PAM: variants seen among roughly 807,000 people sequenced by gnomAD.
PAM encodes peptidyl-glycine alpha-amidating monooxygenase.
A neutral mutation model predicts 122.1 loss-of-function variants in PAM; 72 were observed. That is an observed-to-expected ratio of 0.59 (90% confidence interval 0.49 to 0.72). The LOEUF (loss-of-function observed/expected upper bound fraction) is 0.72, where lower values mean the gene tolerates loss of function less well. Ranked by LOEUF, PAM falls within the 30% of genes least tolerant of loss-of-function variation. The pLI is 0.00. For synonymous variants in PAM, 389 were observed against 404.4 expected (o/e 0.96, Z 0.46); for missense variants, 1,106 against 1,183.7 (o/e 0.93, Z 0.96).
intron 1 of PAM, among the ~76,000 whole-genome samples, chr5:102,856,836 A>G (rs1782764169): frequency 1.3e-5 from 2 of 152,298 alleles, no homozygotes; most frequent in South Asian, 4.1e-4. Flanking sequence ...TGCAAGGGAA[A>G]GATACTTCAA....
At chr5:103,028,751 TTTTC>T in intron 25 of PAM, 132 bp from the exon 26 acceptor site, 1 of 614,278 alleles carries the variant, frequency 1.6e-6, no homozygotes, top group Non-Finnish European at 2.8e-6. Flanking sequence ...CTCTGTCTGT[TTTTC>T]TATTTTATTT....
At chr5:103,006,717 C>A in intron 18 of PAM, 84 bp from the exon 19 acceptor site, 1 of 856,140 alleles carries the variant, frequency 1.2e-6, no homozygotes, top group Non-Finnish European at 1.9e-6. Flanking sequence ...ACTCCAATTG[C>A]TTGTGAAAGT....
Position 103,009,861 on chromosome 5 carries a change from C to A in PAM, c.2326C>A (p.Arg776Ser). The part of the protein sequence containing the change: ...GEIIDIFKPV[R>S]KHFDMPHDIV... ...AATTATAGACATCTTCAAGCCAGTG[C>A]GCAAGGTATTTACACACATTGTCTA... is the stretch of plus-strand genomic sequence containing the variant. The change falls in exon 21 of 26, where the codon CGC (arginine) becomes AGC (serine). Residue 776 changes from arginine to serine, a missense_variant. This residue lies in a region of PAM where 333 missense variants were observed against 335.6 expected (regional missense o/e 0.99). Coordinates refer to ENST00000438793, the MANE Select transcript of PAM (RefSeq NM_001177306.2). The A allele has an allele frequency of 6.4e-7, 1 of 1,551,488 alleles. No individual in the cohort carries two copies. The highest frequency in any genetic ancestry group is 8.9e-7 in the Non-Finnish European group (1 of 1,126,434).
At chr5:103,007,053 C>T in intron 19 of PAM, 42 bp downstream of exon 19, 2 of 1,397,278 alleles carry the variant, frequency 1.4e-6, no homozygotes, top group Non-Finnish European at 1.0e-6. Context: ...AATTCTTAGC[C>T]AGTATCACTG....
At chr5:102,915,530 T>C (rs572346073) in intron 5 of PAM, among the ~76,000 whole-genome samples, 10 of 152,306 alleles carry the variant, frequency 6.6e-5, no homozygotes, top group African/African-American at 2.4e-4. Context: ...TACTCTTCAG[T>C]AAATTTTTGT....
rs565842218 is a variant in PAM, at chr5:102,838,390, T to C, written c.-373-27433T>C. 4 of 152,262 alleles carry C rather than the reference T, an allele frequency of 2.6e-5. No homozygotes were observed. The South Asian group carries it at 8.3e-4, about 32-fold the overall frequency. 9.4% of individuals were successfully genotyped at this position (152,262 alleles called of 1,614,324 possible). Reference sequence around the variant, plus strand: ...GCCACACTTGAAGTCTACTTTTATATTGTTCTTGTAAAACATCAATTATTA... The same window carrying C: ...GCCACACTTGAAGTCTACTTTTATACTGTTCTTGTAAAACATCAATTATTA... On this transcript the variant is annotated intron_variant, in intron 1 of 25. Transcript: ENST00000438793.
chr5:102,782,838 T>A (rs1759424003), intron 1 of PAM, among the ~76,000 whole-genome samples: 1 of 151,630 alleles, frequency 6.6e-6, no homozygotes, highest in Admixed American at 6.6e-5. Flanking sequence ...TTTTGAGAAA[T>A]TTTGCTTTTG....
intron 1 of PAM, among the ~76,000 whole-genome samples, chr5:102,833,425 A>G (rs777175885): frequency 3.0e-4 from 45 of 152,324 alleles, no homozygotes; most frequent in Admixed American, 7.8e-4. Context: ...TATACAGGAA[A>G]CAGTTAAAAT....
intron 15 of PAM, among the ~76,000 whole-genome samples, chr5:102,980,611 T>C (rs1769425934): frequency 6.6e-6 from 1 of 152,142 alleles, no homozygotes. Context: ...TACACACTAG[T>C]CCTAAATCAA....
At chr5:102,950,099 T>C in intron 11 of PAM, 121 bp downstream of exon 11, 1 of 654,868 alleles carries the variant, frequency 1.5e-6, no homozygotes. Flanking sequence ...GCCTTAACTG[T>C]ATAACTGAGC....
intron 5 of PAM, among the ~76,000 whole-genome samples, chr5:102,921,179 G>C (rs1198967977): frequency 6.6e-6 from 1 of 152,066 alleles, no homozygotes; most frequent in Non-Finnish European, 1.5e-5. Context: ...TATAGGAGAA[G>C]CTGCTAGAAT....
intron 1 of PAM, among the ~76,000 whole-genome samples, chr5:102,856,300 A>G (rs968860329): frequency 6.6e-6 from 1 of 152,158 alleles, no homozygotes; most frequent in Non-Finnish European, 1.5e-5. Context: ...CTCTTGTGAA[A>G]CTAAATTTTA....
chr5:102,826,247 T>C (rs1176874223), intron 1 of PAM, among the ~76,000 whole-genome samples: 2 of 152,198 alleles, frequency 1.3e-5, no homozygotes, highest in African/African-American at 2.4e-5. Context: ...CCATATACTT[T>C]CTTACAAATA....
At chr5:102,817,011 A>G (rs1163391569) in intron 1 of PAM, among the ~76,000 whole-genome samples, 5 of 152,114 alleles carry the variant, frequency 3.3e-5, no homozygotes, top group Non-Finnish European at 7.4e-5. Flanking sequence ...CCCAGAAATC[A>G]TCAATATTAA....
chr5:103,026,263 G>A (rs1242687296), intron 24 of PAM, among the ~76,000 whole-genome samples: 1 of 152,064 alleles, frequency 6.6e-6, no homozygotes, highest in Non-Finnish European at 1.5e-5. Context: ...GCTGTGTGTG[G>A]GAAGAAATCC....
chr5:102,973,961 TTTC>T (rs1320758011), intron 14 of PAM, among the ~76,000 whole-genome samples, 152 bp from the exon 15 acceptor site: 5 of 152,190 alleles, frequency 3.3e-5, no homozygotes, highest in African/African-American at 1.2e-4. Context: ...TCTAGGAATT[TTTC>T]TTTTTTTTCC....
At chr5:102,856,883 A>C (rs996448806) in intron 1 of PAM, among the ~76,000 whole-genome samples, 2 of 152,086 alleles carry the variant, frequency 1.3e-5, no homozygotes, top group African/African-American at 4.8e-5. Flanking sequence ...TCCCAAACAA[A>C]TCTGTGTGCA....
Position 102,814,854 on chromosome 5 carries a change from G to T in PAM, c.-373-50969G>T, listed in dbSNP as rs561765615. Among the ~76,000 whole-genome samples, 43 of 151,726 alleles carry T rather than the reference G, an allele frequency of 2.8e-4. 1 individual carries two copies. In the South Asian group the frequency reaches 8.5e-3, roughly 30 times the overall value. The stretch of plus-strand genomic sequence containing the variant: ...TGCTTTCCCAACCCCCATCACACTT[G>T]CCTGACTGTAAAACTCACATATCTT... On this transcript the variant is annotated intron_variant, in intron 1 of 25. Coordinates refer to ENST00000438793, the MANE Select transcript of PAM (RefSeq NM_001177306.2).
At chr5:102,808,961 A>C (rs1767036362) in intron 1 of PAM, among the ~76,000 whole-genome samples, 1 of 152,238 alleles carries the variant, frequency 6.6e-6, no homozygotes. Flanking sequence ...AGCTTTACAG[A>C]AAGAATATAG....
Sources: allele counts gnomAD v4.1 joint callset (sites outside exome capture counted in the v4.1 genomes callset), GRCh38; gene constraint gnomAD v4.1.1; regional missense constraint gnomAD v4.1.1; transcripts MANE v1.5; gene names NCBI Gene and HGNC (gene_info 2026-07-23, HGNC 2026-07-21).